Variants in SLC24A2 observed in about 807,000 individuals in gnomAD.
The protein encoded by SLC24A2 is sodium/potassium/calcium exchanger 2.
In SLC24A2, 36 loss-of-function variants were observed where a neutral mutation model predicts 62.0. The ratio of observed to expected loss-of-function variants is 0.58; its 90% CI spans 0.44 to 0.77. The LOEUF (loss-of-function observed/expected upper bound fraction) is 0.77. SLC24A2 is among the 30% of genes least tolerant of loss of function. SLC24A2 has a pLI of 0.00. For missense variants in SLC24A2, 846 were observed against 817.9 expected, an observed-to-expected ratio of 1.03 and a Z score of -0.42; for synonymous variants, 358 against 294.0, an observed-to-expected ratio of 1.22 and a Z score of -2.23.
At chr9:20,148,649 T>G in the SLC24A2 span, among the ~76,000 whole-genome samples, 3 of 152,152 alleles carry the variant, frequency 2.0e-5, no homozygotes, top group African/African-American at 7.2e-5. Flanking sequence ...TGACCTCAGT[T>G]GGAATATGCA....
chr9:20,082,153 G>C, the SLC24A2 span, among the ~76,000 whole-genome samples: 1 of 152,136 alleles, frequency 6.6e-6, no homozygotes, highest in Non-Finnish European at 1.5e-5. Flanking sequence ...GATTTTATTT[G>C]GTGATTACTT....
chr9:20,031,367 A>C, the SLC24A2 span, among the ~76,000 whole-genome samples: 27,642 of 145,954 alleles, frequency 0.19, 2,739 homozygotes, highest in East Asian at 0.23. Context: ...ATATATATAT[A>C]TATATATAAT....
At chr9:19,584,294 CA>C (rs1563982341) in intron 5 of SLC24A2, among the ~76,000 whole-genome samples, 8 of 92,422 alleles carry the variant, frequency 8.7e-5, no homozygotes, top group African/African-American at 2.9e-4. Context: ...AAAAAAAAAA[CA>C]AACAAAAAAC....
At chr9:19,867,615 A>G in the SLC24A2 span, among the ~76,000 whole-genome samples, 1 of 152,288 alleles carries the variant, frequency 6.6e-6, no homozygotes, top group Non-Finnish European at 1.5e-5. Context: ...ATTAATCATA[A>G]AAACAACTTT....
chr9:20,303,548 G>A, the SLC24A2 span, among the ~76,000 whole-genome samples: 2 of 152,040 alleles, frequency 1.3e-5, no homozygotes. Context: ...AAAGATGATA[G>A]CCCCCAGCCC....
At chr9:19,547,608 C>G (rs953098063) in intron 8 of SLC24A2, among the ~76,000 whole-genome samples, 3 of 147,824 alleles carry the variant, frequency 2.0e-5, no homozygotes, top group Non-Finnish European at 4.4e-5. Context: ...TTCTGAGAGT[C>G]AAGGGCCTTG....
At chr9:20,089,610 C>T in the SLC24A2 span, among the ~76,000 whole-genome samples, 1 of 151,994 alleles carries the variant, frequency 6.6e-6, no homozygotes, top group Non-Finnish European at 1.5e-5. Flanking sequence ...GTCACCCCAC[C>T]CAGAGTGAAC....
chr9:20,083,361 T>C, the SLC24A2 span, among the ~76,000 whole-genome samples: 1 of 152,102 alleles, frequency 6.6e-6, no homozygotes, highest in Non-Finnish European at 1.5e-5. Flanking sequence ...TACGAAACAG[T>C]GGACACCATG....
chr9:19,935,192 G>C, the SLC24A2 span, among the ~76,000 whole-genome samples: 4 of 151,722 alleles, frequency 2.6e-5, no homozygotes, highest in African/African-American at 9.7e-5. Context: ...CCAGCTTCCA[G>C]CCTGACCTAC....
the SLC24A2 span, among the ~76,000 whole-genome samples, chr9:19,923,659 A>G: frequency 6.6e-6 from 1 of 152,372 alleles, no homozygotes. Flanking sequence ...TGAAATGGGG[A>G]TATAGTTGTT....
At chr9:20,229,675 A>G in the SLC24A2 span, among the ~76,000 whole-genome samples, 1 of 152,014 alleles carries the variant, frequency 6.6e-6, no homozygotes, top group African/African-American at 2.4e-5. Flanking sequence ...GCATCAAAGC[A>G]TTTATCACAG....
the SLC24A2 span, among the ~76,000 whole-genome samples, chr9:20,079,547 C>T: frequency 6.6e-6 from 1 of 152,168 alleles, no homozygotes; most frequent in East Asian, 1.9e-4. Flanking sequence ...ATATTAACTC[C>T]TCCCTGGAAC....
the SLC24A2 span, among the ~76,000 whole-genome samples, chr9:19,821,275 A>T: frequency 3.3e-5 from 5 of 152,158 alleles, no homozygotes; most frequent in Non-Finnish European, 7.4e-5. Flanking sequence ...ATCACATAGA[A>T]TTTGTAATCT....
rs554059385 is a variant in SLC24A2, at chr9:19,565,838, A to AAAC, written c.1347+7510_1347+7512dup. Among the ~76,000 whole-genome samples, 112 of 152,248 alleles carry AAAC rather than the reference A, an allele frequency of 7.4e-4. 1 individual carries two copies. Among genetic ancestry groups the AAAC allele is most frequent in the African/African-American group, 2.6e-3 (109 of 41,462 alleles). On this transcript the variant is annotated intron_variant, in intron 7 of 10. Coordinates refer to ENST00000341998, the MANE Select transcript of SLC24A2 (RefSeq NM_020344.4). ...CATCTATAACCATCTGATCTTTGAC[A>AAAC]AACATGACAAAAACAAGAAATGGGG...
the SLC24A2 span, among the ~76,000 whole-genome samples, chr9:19,917,800 C>G: frequency 3.7e-4 from 56 of 152,138 alleles, no homozygotes; most frequent in Middle Eastern, 3.4e-3. Context: ...ATAGTTATTA[C>G]GTTGTCTCTT....
At chr9:20,081,925 T>G in the SLC24A2 span, among the ~76,000 whole-genome samples, 1 of 152,224 alleles carries the variant, frequency 6.6e-6, no homozygotes, top group Non-Finnish European at 1.5e-5. Context: ...ATGGATTGTA[T>G]TGTAGCTTTG....
At chr9:19,788,795 A>C (rs1360846464) in intron 1 of SLC24A2, 90 bp downstream of exon 1, 1 of 985,320 alleles carries the variant, frequency 1.0e-6, no homozygotes, top group Non-Finnish European at 1.2e-6. Context: ...GTGAGCCTGC[A>C]GAGCAGCAAC....
the SLC24A2 span, among the ~76,000 whole-genome samples, chr9:20,164,011 C>A: frequency 2.6e-5 from 4 of 152,066 alleles, no homozygotes; most frequent in Non-Finnish European, 2.9e-5. Context: ...ACATGTTAGA[C>A]CTAAAACCAT....
chr9:19,851,024 C>CGT, the SLC24A2 span, among the ~76,000 whole-genome samples: 9 of 45,914 alleles, frequency 2.0e-4, no homozygotes, highest in Admixed American at 3.0e-4. Flanking sequence ...TATATATATA[C>CGT]ATATTTTTTT....
Sources: gnomAD v4.1 joint callset for allele counts (sites outside exome capture counted in the v4.1 genomes callset) on GRCh38, gnomAD v4.1.1 for gene constraint, MANE v1.5 for transcripts, NCBI Gene and HGNC (gene_info 2026-07-23, HGNC 2026-07-21) for gene names.